The following CARMIL3 variants were observed in gnomAD, a reference collection of about 807,000 sequenced individuals.
CARMIL3 encodes capping protein, Arp2/3 and myosin-I linker protein 3.
In CARMIL3, 88 loss-of-function variants were observed where a neutral mutation model predicts 180.8. The ratio of observed to expected loss-of-function variants is 0.49; its 90% CI spans 0.41 to 0.58. CARMIL3 has a LOEUF of 0.58. Ranked by LOEUF, CARMIL3 falls within the 20% of genes least tolerant of loss-of-function variation. The pLI is 0.00. For synonymous variants in CARMIL3, 696 were observed against 714.5 expected (o/e 0.97, Z 0.41); for missense variants, 1,548 against 1,787.0 (o/e 0.87, Z 2.41).
Position 24,059,108 on chromosome 14 carries a change from C to T in CARMIL3, c.1572-27C>T. On this transcript the variant is annotated intron_variant, in intron 19 of 39. Coordinates refer to ENST00000342740, the MANE Select transcript of CARMIL3 (RefSeq NM_138360.4). This position sits in a 1 kb window ranked among gnomAD's most constrained non-coding sequence, Gnocchi z 6.3. The stretch of plus-strand genomic sequence containing the variant: ...ATAGCATGACCCCAGCCCTTCCCCT[C>T]CTACTCTGAGCCCCGCCTCCCTGCA... The T allele has an allele frequency of 6.3e-7, 1 of 1,589,346 alleles. No individual in the cohort carries two copies. The highest frequency in any genetic ancestry group is 8.6e-7 in the Non-Finnish European group (1 of 1,168,108).
At position 24,066,554 on chromosome 14, in the gene CARMIL3, C is replaced by G. The variant is rs753758059; in HGVS notation, c.3593-13C>G. ...CTTTCTCCTCTCTTTCTCATCCCCT[C>G]TCTCTACTCCAGGGCCTGGATCCTG... On this transcript the variant is annotated splice_polypyrimidine_tract_variant and intron_variant, in intron 35 of 39. Transcript: ENST00000342740. 1 of 1,613,926 alleles carries G rather than the reference C, an allele frequency of 6.2e-7. No homozygotes were observed. Among genetic ancestry groups the G allele is most frequent in the Non-Finnish European group, 8.5e-7 (1 of 1,179,816 alleles).
Position 24,059,265 on chromosome 14 carries a change from C to T in CARMIL3, c.1627-5C>T, listed in dbSNP as rs775104204. The stretch of plus-strand genomic sequence containing the variant: ...ACTGGGTCCAACCGCCCCTTGCCCA[C>T]ACAGTCCCTGCAGTCACTGTCGGTG... On this transcript the variant is annotated splice_polypyrimidine_tract_variant and splice_region_variant and intron_variant, in intron 20 of 39. Coordinates refer to ENST00000342740, the MANE Select transcript of CARMIL3 (RefSeq NM_138360.4). The surrounding 1 kb of genome is among the most constrained non-coding windows in gnomAD (Gnocchi z 6.3). 1.1e-5 allele frequency: 17 copies of T among 1,613,816 alleles called. No homozygotes were observed. The highest frequency in any genetic ancestry group is 5.1e-6 in the Non-Finnish European group (6 of 1,179,986).
Position 24,056,374 on chromosome 14 carries a change from C to G in CARMIL3, c.846C>G (p.His282Gln), listed in dbSNP as rs1312005805. The G allele has an allele frequency of 1.9e-6, 3 of 1,613,634 alleles. No homozygotes were observed. Among genetic ancestry groups the G allele is most frequent in the Admixed American group, 3.3e-5 (2 of 59,974 alleles). The change falls in exon 11 of 40, where the codon CAC (histidine) becomes CAG (glutamine). Residue 282 changes from histidine (H) to glutamine (Q), a missense_variant. His to Gln is a conservative substitution (Grantham distance 24). Transcript: ENST00000342740. ...SCVLHALTLS[H>Q]NPIEDKGFLS... Reference sequence around the variant, plus strand: ...TGCTGCATGCCCTCACTCTGTCCCACAACCCCATCGAGGACAAGGGTGAGC... The same window carrying G: ...TGCTGCATGCCCTCACTCTGTCCCAGAACCCCATCGAGGACAAGGGTGAGC...
chr14:24,062,604 C>T (rs748822191), intron 28 of CARMIL3, 37 bp downstream of exon 28: 36 of 1,613,054 alleles, frequency 2.2e-5, no homozygotes, highest in Middle Eastern at 1.6e-4. Flanking sequence ...GGCTCGGGCA[C>T]GCCCTCCACC....
chr14:24,052,339 C>T (rs948417482), intron 1 of CARMIL3, 146 bp downstream of exon 1: 20 of 784,822 alleles, frequency 2.5e-5, no homozygotes, highest in African/African-American at 9.1e-5. Flanking sequence ...CATTCCAGTC[C>T]GGGCATCGCT....
Position 24,059,334 on chromosome 14 carries a change from C to A in CARMIL3, c.1691C>A (p.Ala564Asp). The A allele has an allele frequency of 6.2e-7, 1 of 1,614,002 alleles. No individual in the cohort carries two copies. ...LKLRTSILIN[A>D]LGSNTCLAKV... ...CTTCGCACCAGCATCCTCATCAATG[C>A]CCTGGGCAGCAACACCTGCCTGGCC... Residue 564 changes from alanine to aspartate, a missense_variant, in exon 21 of 40, where the codon GCC becomes GAC. Ala to Asp is a moderately radical substitution (Grantham distance 126, BLOSUM62 -2). Around this residue, in one of 4 missense-constraint regions of CARMIL3, gnomAD observed 297 missense variants for 415.9 expected, o/e 0.71. Transcript: ENST00000342740. The surrounding 1 kb of genome is among the most constrained non-coding windows in gnomAD (Gnocchi z 6.3).
At chr14:24,060,110 G>T (rs1421102813) in intron 23 of CARMIL3, 47 bp downstream of exon 23, 2 of 1,613,136 alleles carry the variant, frequency 1.2e-6, no homozygotes, top group Admixed American at 3.3e-5. Flanking sequence ...GGGGCAGGGG[G>T]CAGCCCCCAT....
rs144871552 is a variant in CARMIL3 at position 24,062,563 on chromosome 14, G to A, written c.2564G>A (p.Ser855Asn). The A allele has an allele frequency of 1.2e-6, 2 of 1,614,054 alleles. No individual in the cohort carries two copies. The highest frequency in any genetic ancestry group is 2.2e-5 in the East Asian group (1 of 44,894). ...ILQELYHSHKSLARHLTQLRT... is the reference protein window; with the variant it reads ...ILQELYHSHKNLARHLTQLRT... The stretch of plus-strand genomic sequence containing the variant: ...CAAGAGCTCTACCATTCCCACAAGA[G>A]CCTGGTAAGGCTTCTTCTGCAGCCT... Residue 855 changes from serine to asparagine, a missense_variant, in exon 28 of 40, where the codon AGC becomes AAC. Ser to Asn is a conservative substitution (Grantham distance 46, BLOSUM62 1). Transcript: ENST00000342740.
chr14:24,060,009 C>T lies in CARMIL3; in HGVS notation c.1908C>T (p.Asp636=), dbSNP rs1382741577. 3.1e-6 allele frequency: 5 copies of T among 1,614,038 alleles called. No individual in the cohort carries two copies. In the East Asian group the frequency reaches 6.7e-5, roughly 22 times the overall value. ...GCTTCATGTCCTTCCCCGTGAGCGA[C>T]ATCTCCCAAGCCTATCGCAGCGCGC... is the stretch of plus-strand genomic sequence containing the variant. ...TLRFMSFPVS[D]ISQAYRSAPE... The change falls in exon 23 of 40, where the codon GAC becomes GAT. Residue 636 remains aspartate (D), a synonymous_variant. Transcript: ENST00000342740.
rs746232304 is a variant in CARMIL3, at chr14:24,065,053, G to A, written c.3176G>A (p.Arg1059His). The A allele has an allele frequency of 6.2e-6, 10 of 1,605,724 alleles. No individual in the cohort carries two copies. The African/African-American group carries it at 6.7e-5, about 11-fold the overall frequency. Residue 1059 changes from arginine to histidine, a missense_variant, in exon 33 of 40, where the codon CGC becomes CAC. By Grantham distance (29) the Arg-to-His change is conservative. Transcript: ENST00000342740. ...KKRRRGLFHF[R>H]RPRSFKGDRG... ...AGGCGCCGGGGCCTGTTTCACTTTC[G>A]CCGGCCCCGGAGCTTCAAGGGGGAC...
At chr14:24,052,765 C>A (rs559788400) in intron 1 of CARMIL3, among the ~76,000 whole-genome samples, 1 of 152,344 alleles carries the variant, frequency 6.6e-6, no homozygotes, top group African/African-American at 2.4e-5. Flanking sequence ...GCTCGCCTCC[C>A]ACAGCCCCGT....
At chr14:24,068,421 A>G (rs531439688) in intron 36 of CARMIL3, among the ~76,000 whole-genome samples, 163 bp from the exon 37 acceptor site, 13 of 151,886 alleles carry the variant, frequency 8.6e-5, no homozygotes, top group African/African-American at 2.9e-4. Flanking sequence ...GAAAGAAAGA[A>G]AGAAAAGAAA....
In CARMIL3 at chr14:24,068,885, G is replaced by T. The variant is rs1218015499; in HGVS notation, c.3901G>T (p.Ala1301Ser). Residue 1301 changes from alanine to serine, a missense_variant, in exon 38 of 40, where the codon GCT (alanine) becomes TCT (serine). By Grantham distance (99) the Ala-to-Ser change is moderately conservative. Transcript: ENST00000342740. The part of the protein sequence containing the change: ...QEPGVREEAE[A>S]GDAAPGVNKP... ...GCCAGGGGTCAGGGAGGAGGCTGAG[G>T]CTGGAGATGCAGCTCCAGGAGTCAA... The T allele has an allele frequency of 6.2e-7, 1 of 1,608,982 alleles. No homozygotes were observed. The highest frequency in any genetic ancestry group is 1.3e-5 in the African/African-American group (1 of 74,960).
In CARMIL3 at chr14:24,060,024, T is replaced by C. The variant is rs1262114097; in HGVS notation, c.1923T>C (p.Tyr641=). 1.9e-6 allele frequency: 3 copies of C among 1,613,892 alleles called. No homozygotes were observed. Among genetic ancestry groups the C allele is most frequent in the Non-Finnish European group, 1.7e-6 (2 of 1,180,042 alleles). The change falls in exon 23 of 40, where the codon TAT becomes TAC. Residue 641 remains tyrosine (Y), a synonymous_variant. Coordinates refer to ENST00000342740, the MANE Select transcript of CARMIL3 (RefSeq NM_138360.4). ...SFPVSDISQA[Y]RSAPERTEDV... is the part of the protein sequence containing the mutation. ...CCGTGAGCGACATCTCCCAAGCCTA[T>C]CGCAGCGCGCCTGAGCGCACCGAGG...
intron 29 of CARMIL3, 133 bp downstream of exon 29, chr14:24,062,979 A>C: frequency 9.8e-6 from 15 of 1,532,040 alleles, no homozygotes; most frequent in Non-Finnish European, 1.2e-5. Flanking sequence ...TCCAATCTCA[A>C]TCCAGCCCAA....
At position 24,058,931 on chromosome 14, in the gene CARMIL3, A is replaced by G. The variant is rs933406322; in HGVS notation, c.1516A>G (p.Lys506Glu). 6.2e-7 allele frequency: 1 copy of G among 1,614,110 alleles called. No individual in the cohort carries two copies. Among genetic ancestry groups the G allele is most frequent in the Non-Finnish European group, 8.5e-7 (1 of 1,180,058 alleles). ...CCTGACACTGGTGCCTGCACTTGGC[A>G]AGAACAAGTCCCTCAAGCACCTGTT... ...DLLTLVPALG[K>E]NKSLKHLFLG... is the part of the protein sequence containing the mutation. Residue 506 changes from lysine to glutamate, a missense_variant, in exon 19 of 40, where the codon AAG becomes GAG. Transcript: ENST00000342740. The surrounding 1 kb of genome is among the most constrained non-coding windows in gnomAD (Gnocchi z 6.4).
Position 24,054,180 on chromosome 14 carries a change from C to T in CARMIL3, c.186+42C>T. ...AGCAGGAGAGCACCTGGCATGCTCC[C>T]TACCTCCCAAGCCTGGCAACCCAGG... On this transcript the variant is annotated intron_variant, in intron 3 of 39. Coordinates refer to ENST00000342740, the MANE Select transcript of CARMIL3 (RefSeq NM_138360.4). This position sits in a 1 kb window ranked among gnomAD's most constrained non-coding sequence, Gnocchi z 5.1. The T allele has an allele frequency of 1.9e-6, 3 of 1,614,126 alleles. No individual in the cohort carries two copies. Among genetic ancestry groups the T allele is most frequent in the Non-Finnish European group, 2.5e-6 (3 of 1,179,962 alleles).
intron 14 of CARMIL3, 119 bp downstream of exon 14, chr14:24,057,363 G>A (rs1157090585): frequency 7.9e-6 from 7 of 881,766 alleles, no homozygotes; most frequent in East Asian, 2.6e-5. Context: ...ATGACTTCAG[G>A]TTCAGCTGAA....
Position 24,061,399 on chromosome 14 carries a change from C to A in CARMIL3, c.2305-98C>A. On this transcript the variant is annotated intron_variant, in intron 26 of 39. Coordinates refer to ENST00000342740, the MANE Select transcript of CARMIL3 (RefSeq NM_138360.4). This position sits in a 1 kb window ranked among gnomAD's most constrained non-coding sequence, Gnocchi z 4.1. Reference sequence around the variant, plus strand: ...GTGACTTAGGCAGGTCCCTCAGTCTCAGCAGGAGGGGCTGGAATAGATAAA... The same window carrying A: ...GTGACTTAGGCAGGTCCCTCAGTCTAAGCAGGAGGGGCTGGAATAGATAAA... The A allele has an allele frequency of 7.7e-7, 1 of 1,291,518 alleles. No individual in the cohort carries two copies. The highest frequency in any genetic ancestry group is 1.1e-6 in the Non-Finnish European group (1 of 941,816). The allele number at this position is 1,291,518 out of a possible 1,614,324, so 80.0% of individuals were successfully genotyped here. A position where few individuals can be genotyped will look rare whatever the true frequency, so the allele number is the denominator to read the frequency against.
Sources: gnomAD v4.1 joint callset for allele counts (sites outside exome capture counted in the v4.1 genomes callset) on GRCh38, gnomAD v4.1.1 for gene constraint, gnomAD v4.1.1 regional missense constraint, Gnocchi (gnomAD v3.1) non-coding constraint, MANE v1.5 for transcripts, NCBI Gene and HGNC (gene_info 2026-07-23, HGNC 2026-07-21) for gene names.